MYT1L: variants seen among roughly 807,000 people sequenced by gnomAD.
The protein encoded by MYT1L is myelin transcription factor 1 like.
In MYT1L, 12 loss-of-function variants were observed where a neutral mutation model predicts 126.7. The observed-to-expected ratio is 0.09, with a 90% confidence interval of 0.06 to 0.15. MYT1L has a LOEUF of 0.15. Ranked by LOEUF, MYT1L falls within the 10% of genes least tolerant of loss-of-function variation. The pLI is 1.00. For missense variants in MYT1L, 979 were observed against 1,585.2 expected (o/e 0.62, Z 6.49); for synonymous variants, 541 against 604.2 (o/e 0.90, Z 1.53).
intron 3 of MYT1L, among the ~76,000 whole-genome samples, chr2:2,093,980 T>C (rs956756480): frequency 2.0e-5 from 3 of 152,244 alleles, no homozygotes; most frequent in Non-Finnish European, 2.9e-5. Flanking sequence ...TTGTCAGGTT[T>C]GTCAAAGATC....
intron 1 of MYT1L, among the ~76,000 whole-genome samples, chr2:2,305,623 A>C (rs777288293): frequency 7.2e-5 from 11 of 152,192 alleles, no homozygotes; most frequent in Non-Finnish European, 1.3e-4. Flanking sequence ...TGGGAAATTT[A>C]TAAAGAAAAG....
intron 4 of MYT1L, among the ~76,000 whole-genome samples, chr2:2,025,334 A>G (rs1239041366): frequency 6.6e-6 from 1 of 152,202 alleles, no homozygotes; most frequent in Non-Finnish European, 1.5e-5. Flanking sequence ...GTCTGGGGAT[A>G]CCAGCTCCCT....
rs545777724 is a variant in MYT1L, at chr2:1,881,918, T to C, written c.2711+4621A>G. Among the ~76,000 whole-genome samples, 370 of 152,270 alleles carry C rather than the reference T, an allele frequency of 2.4e-3. 1 individual carries two copies. Among genetic ancestry groups the C allele is most frequent in the Non-Finnish European group, 3.7e-3 (252 of 68,012 alleles). On this transcript the variant is annotated intron_variant, in intron 18 of 24. Transcript: ENST00000647738. ...CAGGCATGAAGCGTGGGGAAGATTC[T>C]GAGCTCGGGCTTTGCCCTGATTTTG...
Position 1,903,100 on chromosome 2 carries a change from G to T in MYT1L, c.2012C>A (p.Ser671Tyr), listed in dbSNP as rs2148959044. ...CCTACCATCATCATATCCTTTGGGG[G>T]ATATATCCCTGGTTTGCACCTTGGG... is the stretch of plus-strand genomic sequence containing the variant. ...IAPKVQTRDI[S>Y]PKGYDDAKRY... The change falls in exon 14 of 25, where the codon TCC (serine) becomes TAC (tyrosine). Residue 671 changes from serine to tyrosine, a missense_variant. Ser to Tyr is a moderately radical substitution (Grantham distance 144). Around this residue, in one of 12 missense-constraint regions of MYT1L, gnomAD observed 57 missense variants for 60.3 expected, o/e 0.94. Coordinates refer to ENST00000647738, the MANE Select transcript of MYT1L (RefSeq NM_001303052.2). 6.2e-7 allele frequency: 1 copy of T among 1,613,712 alleles called. No homozygotes were observed. The highest frequency in any genetic ancestry group is 8.5e-7 in the Non-Finnish European group (1 of 1,179,636).
At chr2:2,022,703 GA>G (rs112786973) in intron 4 of MYT1L, among the ~76,000 whole-genome samples, 1,739 of 134,546 alleles carry the variant, frequency 0.013, 26 homozygotes, top group African/African-American at 0.035. Context: ...TTCCTGCTCT[GA>G]AAAAAAAAAA....
In MYT1L at chr2:1,808,129, C is replaced by T. The variant is rs561827790; in HGVS notation, c.3172+947G>A. Among the ~76,000 whole-genome samples, 11 of 152,326 alleles carry T rather than the reference C, an allele frequency of 7.2e-5. No individual in the cohort carries two copies. The East Asian group carries it at 1.9e-3, about 27-fold the overall frequency. ...GTGGAGCTGTGAGTTGATTAATCCT[C>T]TTTCCTTTATAAATTACCCAGTCTC... On this transcript the variant is annotated intron_variant, in intron 22 of 24. Coordinates refer to ENST00000647738, the MANE Select transcript of MYT1L (RefSeq NM_001303052.2).
intron 3 of MYT1L, among the ~76,000 whole-genome samples, chr2:2,105,679 A>G (rs2078662187): frequency 6.6e-6 from 1 of 152,222 alleles, no homozygotes; most frequent in African/African-American, 2.4e-5. Context: ...ACGTTCACAA[A>G]AATTTCTTAT....
Position 1,917,050 on chromosome 2 carries a change from A to T in MYT1L, c.1618+155T>A, listed in dbSNP as rs927252206. Among the ~76,000 whole-genome samples, 6 of 152,168 alleles carry T rather than the reference A, an allele frequency of 3.9e-5. No homozygotes were observed. Among genetic ancestry groups the T allele is most frequent in the African/African-American group, 1.4e-4 (6 of 41,430 alleles). ...GGGCTGTGCCATTGGCATGCCCACG[A>T]ATCCTGGATCAGTTGCCCATCAAGT... On this transcript the variant is annotated intron_variant, in intron 11 of 24. Transcript: ENST00000647738. This position sits in a 1 kb window ranked among gnomAD's most constrained non-coding sequence, Gnocchi z 5.9.
chr2:2,249,666 T>C (rs943470535), intron 2 of MYT1L, among the ~76,000 whole-genome samples: 1 of 151,742 alleles, frequency 6.6e-6, no homozygotes, highest in Non-Finnish European at 1.5e-5. Context: ...AAAGCAAAAA[T>C]GGACAAATGG....
intron 20 of MYT1L, among the ~76,000 whole-genome samples, chr2:1,840,549 T>C (rs1243707514): frequency 1.3e-5 from 2 of 152,170 alleles, no homozygotes; most frequent in Non-Finnish European, 2.9e-5. Context: ...TATCAGCTTA[T>C]TGCTGGACAG....
chr2:1,835,084 G>T (rs1030936990), intron 21 of MYT1L, among the ~76,000 whole-genome samples: 2 of 144,990 alleles, frequency 1.4e-5, no homozygotes, highest in African/African-American at 5.4e-5. Context: ...CATATACCAC[G>T]GGGATGGATA....
rs149729247 is a variant in MYT1L, at chr2:2,322,736, A to G, written c.-521+8231T>C. Among the ~76,000 whole-genome samples, 143 of 152,310 alleles carry G rather than the reference A, an allele frequency of 9.4e-4. 1 individual carries two copies. The highest frequency in any genetic ancestry group is 3.3e-3 in the African/African-American group (138 of 41,578). ...AAGTAAATGCTGATATTTTGCCCCA[A>G]GAAAGTTATAAACCACCATCATAAA... On this transcript the variant is annotated intron_variant, in intron 1 of 24. Transcript: ENST00000647738.
chr2:2,060,414 G>C (rs1161170085), intron 3 of MYT1L, among the ~76,000 whole-genome samples: 1 of 152,024 alleles, frequency 6.6e-6, no homozygotes, highest in African/African-American at 2.4e-5. Context: ...AATTTATTTT[G>C]AGTTAATTAT....
At chr2:2,110,993 T>C (rs563039428) in intron 3 of MYT1L, among the ~76,000 whole-genome samples, 3 of 152,278 alleles carry the variant, frequency 2.0e-5, no homozygotes, top group South Asian at 4.1e-4. Flanking sequence ...CAGCCAGCTA[T>C]GGGGCATGGG....
Position 2,115,239 on chromosome 2 carries a change from A to G in MYT1L, c.-304+57633T>C, listed in dbSNP as rs76375275. 4.0e-3 allele frequency among the ~76,000 whole-genome samples: 610 copies of G among 152,358 alleles called. 2 individuals are homozygous for G. Among genetic ancestry groups the G allele is most frequent in the African/African-American group, 0.014 (590 of 41,586 alleles). On this transcript the variant is annotated intron_variant, in intron 3 of 24. Coordinates refer to ENST00000647738, the MANE Select transcript of MYT1L (RefSeq NM_001303052.2). ...GTAAAGTGTGTTCATTTCGAATGCTATCATGTGAGTGCCTCTACCAGATGT... is the reference window on the plus strand; with the variant it reads ...GTAAAGTGTGTTCATTTCGAATGCTGTCATGTGAGTGCCTCTACCAGATGT...
chr2:1,821,314 T>C (rs1195358172), intron 21 of MYT1L, among the ~76,000 whole-genome samples: 1 of 152,200 alleles, frequency 6.6e-6, no homozygotes, highest in Non-Finnish European at 1.5e-5. Context: ...TTCTTTATTT[T>C]TTTTTAACAA....
chr2:2,073,507 G>A (rs1328645823), intron 3 of MYT1L, among the ~76,000 whole-genome samples: 3 of 152,152 alleles, frequency 2.0e-5, no homozygotes, highest in Non-Finnish European at 4.4e-5. Flanking sequence ...GGAAGAGAGA[G>A]GCATCAACAT....
rs2034832394 is a variant in MYT1L at position 1,801,388 on chromosome 2, T to C, written c.3276+308A>G. Reference sequence around the variant, plus strand: ...AATAACAGGAGGACCTGAAGTATCTTGGAAGGAAAACCTTCATTGTTTGCA... The same window carrying C: ...AATAACAGGAGGACCTGAAGTATCTCGGAAGGAAAACCTTCATTGTTTGCA... On this transcript the variant is annotated intron_variant, in intron 23 of 24. Coordinates refer to ENST00000647738, the MANE Select transcript of MYT1L (RefSeq NM_001303052.2). The surrounding 1 kb of genome is among the most constrained non-coding windows in gnomAD (Gnocchi z 4.2). 3.8e-6 allele frequency: 1 copy of C among 264,634 alleles called. No individual in the cohort carries two copies. Among genetic ancestry groups the C allele is most frequent in the African/African-American group, 2.2e-5 (1 of 45,158 alleles). The allele number at this position is 264,634 out of a possible 1,614,324, so 16.4% of individuals were successfully genotyped here. A position where few individuals can be genotyped will look rare whatever the true frequency, so the allele number is the denominator to read the frequency against.
chr2:1,914,826 T>G (rs923784125), intron 11 of MYT1L, among the ~76,000 whole-genome samples: 2 of 152,220 alleles, frequency 1.3e-5, no homozygotes, highest in African/African-American at 2.4e-5. Flanking sequence ...CCCCAGCTTT[T>G]CCATTCCCAC....
Sources: allele counts gnomAD v4.1 joint callset (sites outside exome capture counted in the v4.1 genomes callset), GRCh38; gene constraint gnomAD v4.1.1; regional missense constraint gnomAD v4.1.1; non-coding constraint Gnocchi (gnomAD v3.1); transcripts MANE v1.5; gene names NCBI Gene and HGNC (gene_info 2026-07-23, HGNC 2026-07-21).